Variants in ARX observed in about 807,000 individuals in gnomAD.
The protein encoded by ARX is homeobox protein ARX.
A neutral mutation model predicts 23.1 loss-of-function variants in ARX; 1 was observed. That is an observed-to-expected ratio of 0.04 (90% CI 0.02 to 0.21). The LOEUF is 0.21. Among genes scored for constraint, ARX ranks in the 10% least tolerant of loss-of-function variants. The probability of loss-of-function intolerance (pLI) is 1.00; values close to 1 mark genes in which losing one functional copy is unlikely to be tolerated. For missense variants in ARX, 380 were observed against 527.5 expected (o/e 0.72, Z 2.74); for synonymous variants, 301 against 270.1 (o/e 1.11, Z -1.12).
At position 25,013,528 on chromosome X, in the gene ARX, CAGGCCGCGGCGGCCG is replaced by C. The variant is rs1426625316; in HGVS notation, c.452_466del (p.Ala151_Trp156delinsGly). 3 of 830,985 alleles carry C rather than the reference CAGGCCGCGGCGGCCG, an allele frequency of 3.6e-6. No homozygotes were observed. Among genetic ancestry groups the C allele is most frequent in the Non-Finnish European group, 4.3e-6 (3 of 692,922 alleles). The allele number at this position is 830,985 out of a possible 1,213,427, so 68.5% of individuals were successfully genotyped here. A position where few individuals can be genotyped will look rare whatever the true frequency, so the allele number is the denominator to read the frequency against. On this transcript the variant is annotated inframe_deletion, in exon 2 of 5. Coordinates refer to ENST00000379044, the MANE Select transcript of ARX (RefSeq NM_139058.3). ...CGCCTGGCTGATCTTGAGCGTGTCC[CAGGCCGCGGCGGCCG>C]CGGCCGCGGCTGCCGCGGCGGCCCC...
In ARX at chrX:25,010,296, C is replaced by A; in HGVS notation, c.1083G>T (p.Leu361=). The A allele has an allele frequency of 8.3e-7, 1 of 1,210,369 alleles. No homozygotes were observed. Reference sequence around the variant, plus strand: ...CCTCGGTCAAGTCCAGCCTCATGGCCAGTTCCTCCCTATAAGAAAGCAACA... The same window carrying A: ...CCTCGGTCAAGTCCAGCCTCATGGCAAGTTCCTCCCTATAAGAAAGCAACA... The part of the protein sequence containing the change: ...HYPDVFTREE[L]AMRLDLTEAR... Residue 361 remains leucine (L), a synonymous_variant, in exon 3 of 5, where the codon CTG becomes CTT. Coordinates refer to ENST00000379044, the MANE Select transcript of ARX (RefSeq NM_139058.3).
intron 4 of ARX, chrX:25,005,984 C>G (rs1438907705): frequency 1.8e-5 from 2 of 111,696 alleles, no homozygotes; most frequent in Non-Finnish European, 3.8e-5. Flanking sequence ...GCTCACCGAG[C>G]GCCGCCTCCT....
chrX:25,015,795 G>A lies in ARX; in HGVS notation c.-58C>T. 1.8e-6 allele frequency: 2 copies of A among 1,105,444 alleles called. No homozygotes were observed. Among genetic ancestry groups the A allele is most frequent in the South Asian group, 3.9e-5 (2 of 51,517 alleles). The allele number at this position is 1,105,444 out of a possible 1,213,427, so 91.1% of individuals were successfully genotyped here. Reference sequence around the variant, plus strand: ...GATCGCCGGCTGCCTCTCCCGGAGGGTGGGATGGATGGGTGTGTGTTGGGG... The same window carrying A: ...GATCGCCGGCTGCCTCTCCCGGAGGATGGGATGGATGGGTGTGTGTTGGGG... On this transcript the variant is annotated 5_prime_UTR_variant, in exon 1 of 5. Transcript: ENST00000379044.
chrX:25,008,076 T>G (rs2048686427), intron 3 of ARX, among the ~76,000 whole-genome samples: 1 of 112,647 alleles, frequency 8.9e-6, no homozygotes, highest in Non-Finnish European at 1.9e-5. Flanking sequence ...CCAGAAACAT[T>G]TATTGAACAC....
Position 25,004,627 on chromosome X carries a change from A to G in ARX, c.*43T>C, listed in dbSNP as rs1463083753. On this transcript the variant is annotated 3_prime_UTR_variant, in exon 5 of 5. Transcript: ENST00000379044. ...GTCTTGAGTGGTGCTGAGTGAGGTG[A>G]CCTTTCGGGGCGCGCGCGGGGCGCG... is the stretch of plus-strand genomic sequence containing the variant. The G allele has an allele frequency of 1.7e-6, 2 of 1,162,939 alleles. No individual in the cohort carries two copies. The highest frequency in any genetic ancestry group is 1.8e-5 in the African/African-American group (1 of 56,302).
chrX:25,004,416 G>T lies in ARX; in HGVS notation c.*254C>A. On this transcript the variant is annotated 3_prime_UTR_variant, in exon 5 of 5. Transcript: ENST00000379044. ...CAGGAAAGTAAGAACAAGAGAGAGT[G>T]GATGTTGGAGTTGGAGCGAGGTTGG... 1 of 415,881 alleles carries T rather than the reference G, an allele frequency of 2.4e-6. No individual in the cohort carries two copies. The highest frequency in any genetic ancestry group is 4.1e-6 in the Non-Finnish European group (1 of 242,124). The allele number at this position is 415,881 out of a possible 1,213,427, so 34.3% of individuals were successfully genotyped here.
intron 4 of ARX, among the ~76,000 whole-genome samples, chrX:25,006,191 A>T (rs2048677147): frequency 8.9e-6 from 1 of 112,588 alleles, no homozygotes; most frequent in Non-Finnish European, 1.9e-5. Context: ...TGTGACCCGG[A>T]GGTGGCGTAA....
chrX:25,004,331 C>G lies in ARX; in HGVS notation c.*339G>C. On this transcript the variant is annotated 3_prime_UTR_variant, in exon 5 of 5. Coordinates refer to ENST00000379044, the MANE Select transcript of ARX (RefSeq NM_139058.3). ...GGGGTGTCAGGAGGAAGAGGTTGGG[C>G]TTTTTAAATTTTTTACTTCAATATC... is the stretch of plus-strand genomic sequence containing the variant. 1 of 226,911 alleles carries G rather than the reference C, an allele frequency of 4.4e-6. No individual in the cohort carries two copies. Among genetic ancestry groups the G allele is most frequent in the Non-Finnish European group, 7.8e-6 (1 of 127,869 alleles). 18.7% of individuals were successfully genotyped at this position (226,911 alleles called of 1,213,427 possible).
chrX:25,009,772 A>G (rs1239551037), intron 3 of ARX, among the ~76,000 whole-genome samples: 2 of 112,151 alleles, frequency 1.8e-5, no homozygotes, highest in Non-Finnish European at 3.8e-5. Flanking sequence ...AGGGGAAATC[A>G]AACAGCATTT....
Position 25,013,630 on chromosome X carries a change from C to T in ARX, c.365G>A (p.Arg122His), listed in dbSNP as rs1335963054. The change falls in exon 2 of 5, where the codon CGC becomes CAC. Residue 122 changes from arginine (R) to histidine (H), a missense_variant. Arg to His is a conservative substitution (Grantham distance 29). Around this residue, in one of 3 missense-constraint regions of ARX, gnomAD observed 235 missense variants for 270.2 expected, o/e 0.87. Coordinates refer to ENST00000379044, the MANE Select transcript of ARX (RefSeq NM_139058.3). ...CGGTGGCGGCGGAGGGGCCTCCCCG[C>T]GTGGACCCGCCGTGGCCGTGGCGGC... ...AAAATATAGP[R>H]GEAPPPPPPT... is the part of the protein sequence containing the mutation. 5.3e-6 allele frequency: 4 copies of T among 755,088 alleles called. No individual in the cohort carries two copies. The highest frequency in any genetic ancestry group is 3.1e-6 in the Non-Finnish European group (2 of 641,457). The allele number at this position is 755,088 out of a possible 1,213,427, so 62.2% of individuals were successfully genotyped here. A position where few individuals can be genotyped will look rare whatever the true frequency, so the allele number is the denominator to read the frequency against.
rs200700643 is a variant in ARX, at chrX:25,010,308, A to G, written c.1074-3T>C. On this transcript the variant is annotated splice_region_variant and splice_polypyrimidine_tract_variant and intron_variant, in intron 2 of 4. Transcript: ENST00000379044. The stretch of plus-strand genomic sequence containing the variant: ...CCAGCCTCATGGCCAGTTCCTCCCT[A>G]TAAGAAAGCAACACACAGACAGGAG... 708 of 1,206,576 alleles carry G rather than the reference A, an allele frequency of 5.9e-4. 5 individuals are homozygous for G. The African/African-American group carries it at 0.011, about 19-fold the overall frequency.
At chrX:25,007,699 C>T in intron 3 of ARX, among the ~76,000 whole-genome samples, 1 of 112,031 alleles carries the variant, frequency 8.9e-6, no homozygotes, top group Middle Eastern at 4.6e-3. Context: ...GGCCAGTTTT[C>T]CAAGTTTAAG....
At chrX:25,005,016 C>G (rs908265450) in intron 4 of ARX, 106 bp from the exon 5 acceptor site, 1 of 1,005,338 alleles carries the variant, frequency 9.9e-7, no homozygotes, top group African/African-American at 2.0e-5. Flanking sequence ...GGCGCGGTAC[C>G]CACGGGACCC....
At chrX:25,012,409 T>C (rs1378122090) in intron 2 of ARX, among the ~76,000 whole-genome samples, 1 of 112,789 alleles carries the variant, frequency 8.9e-6, no homozygotes, top group African/African-American at 3.2e-5. Context: ...CACTGCGAAC[T>C]GCGTAACTGA....
At chrX:25,004,965 C>T (rs958303393) in intron 4 of ARX, 55 bp from the exon 5 acceptor site, 2 of 1,057,236 alleles carry the variant, frequency 1.9e-6, no homozygotes, top group Non-Finnish European at 2.4e-6. Context: ...CGCGGCGCCT[C>T]GGGCAGCGTC....
chrX:25,012,146 T>G (rs1358353429), intron 2 of ARX, among the ~76,000 whole-genome samples: 1 of 112,515 alleles, frequency 8.9e-6, no homozygotes, highest in Non-Finnish European at 1.9e-5. Flanking sequence ...CCCAACTGCT[T>G]TGTCTACTCC....
chrX:25,006,966 A>G (rs2048680773), intron 4 of ARX, 145 bp downstream of exon 4: 1 of 702,664 alleles, frequency 1.4e-6, no homozygotes, highest in Non-Finnish European at 2.0e-6. Flanking sequence ...TCAATTAGAG[A>G]GTATTTTCTT....
In ARX at chrX:25,007,185, C is replaced by T. The variant is rs751770883; in HGVS notation, c.1374G>A (p.Ala458=). The change falls in exon 4 of 5, where the codon GCG becomes GCA. Residue 458 remains alanine, a synonymous_variant. Coordinates refer to ENST00000379044, the MANE Select transcript of ARX (RefSeq NM_139058.3). ...PGSASLPPSG[A]PLGLSTFLGA... ...CGAGGAAAGTGCTCAGGCCCAGCGG[C>T]GCCCCGCTGGGCGGCAGGCTGGCCG... The T allele has an allele frequency of 3.4e-6, 4 of 1,187,155 alleles. No individual in the cohort carries two copies. Among genetic ancestry groups the T allele is most frequent in the African/African-American group, 1.8e-5 (1 of 55,765 alleles).
At chrX:25,010,010 C>G (rs768891602) in intron 3 of ARX, among the ~76,000 whole-genome samples, 52 of 111,374 alleles carry the variant, frequency 4.7e-4, no homozygotes, top group African/African-American at 1.7e-3. Flanking sequence ...ACTCTAAAGC[C>G]CTTGTTCTGA....
Sources: allele counts gnomAD v4.1 joint callset (sites outside exome capture counted in the v4.1 genomes callset), GRCh38; gene constraint gnomAD v4.1.1; regional missense constraint gnomAD v4.1.1; transcripts MANE v1.5; gene names NCBI Gene and HGNC (gene_info 2026-07-23, HGNC 2026-07-21).